The following CYP3A4 variants were observed in gnomAD, a reference collection of about 807,000 sequenced individuals.
The protein encoded by CYP3A4 is cytochrome P450 3A4.
CYP3A4 carries 41 observed loss-of-function variants against 54.9 expected under a neutral mutation model. That is an observed-to-expected ratio of 0.75 (90% confidence interval 0.58 to 0.97). CYP3A4 has a LOEUF of 0.97. Ranked by LOEUF, CYP3A4 falls within the 50% of genes least tolerant of loss-of-function variation. The probability of loss-of-function intolerance (pLI) is 0.00; values close to 1 mark genes in which losing one functional copy is unlikely to be tolerated. For synonymous variants in CYP3A4, 179 were observed against 205.2 expected, an observed-to-expected ratio of 0.87 and a Z score of 1.09; for missense variants, 510 against 597.3, an observed-to-expected ratio of 0.85 and a Z score of 1.52.
chr7:99,770,340 A>G (rs1238757923), intron 4 of CYP3A4, 105 bp from the exon 5 acceptor site: 25 of 951,702 alleles, frequency 2.6e-5, no homozygotes, highest in Non-Finnish European at 3.7e-5. Flanking sequence ...CTATTTAGTG[A>G]CTGTCTACTG....
At chr7:99,780,437 C>T (rs1302458133) in intron 1 of CYP3A4, among the ~76,000 whole-genome samples, 2 of 152,150 alleles carry the variant, frequency 1.3e-5, no homozygotes, top group Non-Finnish European at 2.9e-5. Flanking sequence ...TAGTAAGTGG[C>T]CTCTCCCCAA....
intron 5 of CYP3A4, 84 bp downstream of exon 5, chr7:99,770,038 A>C: frequency 6.5e-7 from 1 of 1,531,092 alleles, no homozygotes; most frequent in Non-Finnish European, 9.0e-7. Context: ...TACCCCTTGG[A>C]AAGGGACTGT....
At position 99,760,991 on chromosome 7, in the gene CYP3A4, C is replaced by T. The variant is rs376135947; in HGVS notation, c.1254-10G>A. The T allele has an allele frequency of 2.0e-5, 32 of 1,611,490 alleles. No individual in the cohort carries two copies. The East Asian group carries it at 3.1e-4, about 16-fold the overall frequency. Reference sequence around the variant, plus strand: ...GTTCTTCTTGCTGAATCTGGTTCCACGTTGGTAGATTTTTAAAAAGTTAAT... The same window carrying T: ...GTTCTTCTTGCTGAATCTGGTTCCATGTTGGTAGATTTTTAAAAAGTTAAT... On this transcript the variant is annotated splice_polypyrimidine_tract_variant and intron_variant, in intron 11 of 12. Transcript: ENST00000651514.
At chr7:99,778,840 C>T (rs1466926752) in intron 2 of CYP3A4, among the ~76,000 whole-genome samples, 1 of 152,140 alleles carries the variant, frequency 6.6e-6, no homozygotes, top group Non-Finnish European at 1.5e-5. Flanking sequence ...CTTGGGGGTA[C>T]ATCTACTAAA....
chr7:99,772,916 G>T (rs919490311), intron 3 of CYP3A4, among the ~76,000 whole-genome samples: 2 of 152,104 alleles, frequency 1.3e-5, no homozygotes, highest in African/African-American at 4.8e-5. Context: ...ACAAGGAAGA[G>T]ACATTGAAAG....
At chr7:99,770,841 C>T (rs1465966870) in intron 4 of CYP3A4, among the ~76,000 whole-genome samples, 1 of 152,144 alleles carries the variant, frequency 6.6e-6, no homozygotes, top group South Asian at 2.1e-4. Context: ...TTTTTGCCAA[C>T]TTGGAACTGG....
chr7:99,761,749 A>C (rs1409156395), intron 11 of CYP3A4, among the ~76,000 whole-genome samples: 3 of 152,162 alleles, frequency 2.0e-5, no homozygotes, highest in Non-Finnish European at 4.4e-5. Flanking sequence ...TAGCATTGTG[A>C]TCATGTGTTT....
Position 99,764,820 on chromosome 7 carries a change from T to C in CYP3A4, c.866-805A>G, listed in dbSNP as rs1486290211. Among the ~76,000 whole-genome samples the C allele has an allele frequency of 2.0e-5, 3 of 152,328 alleles. No homozygotes were observed. In the East Asian group the frequency reaches 5.8e-4, roughly 29 times the overall value. On this transcript the variant is annotated intron_variant, in intron 9 of 12. Coordinates refer to ENST00000651514, the MANE Select transcript of CYP3A4 (RefSeq NM_017460.6). Reference sequence around the variant, plus strand: ...AAGCTAGATGAGTGGTAATTGATTGTAGTCTGATGGATGGCATTAAAATAG... The same window carrying C: ...AAGCTAGATGAGTGGTAATTGATTGCAGTCTGATGGATGGCATTAAAATAG...
intron 4 of CYP3A4, 146 bp downstream of exon 4, chr7:99,772,444 C>A (rs1815658333): frequency 1.1e-6 from 1 of 919,912 alleles, no homozygotes; most frequent in South Asian, 1.6e-5. Context: ...TGCAAGATTG[C>A]AAGATGTTAC....
Position 99,762,230 on chromosome 7 carries a change from T to C in CYP3A4, c.1064A>G (p.Tyr355Cys), listed in dbSNP as rs1201319750. ...PTYDTVLQME[Y>C]LDMVVNETLR... is the part of the protein sequence containing the mutation. ...CGTTTCATTCACCACCATGTCAAGA[T>C]ACTCCATCTGTAGCACAGTATCATA... The change falls in exon 11 of 13, where the codon TAT (tyrosine) becomes TGT (cysteine). Residue 355 changes from tyrosine (Y) to cysteine (C), a missense_variant. Physicochemically the swap from Tyr to Cys is radical, Grantham distance 194. Around this residue, in one of 2 missense-constraint regions of CYP3A4, gnomAD observed 238 missense variants for 322.5 expected, o/e 0.74. Transcript: ENST00000651514. 15 of 1,613,970 alleles carry C rather than the reference T, an allele frequency of 9.3e-6. No homozygotes were observed. The highest frequency in any genetic ancestry group is 1.1e-5 in the Non-Finnish European group (13 of 1,179,998).
intron 1 of CYP3A4, among the ~76,000 whole-genome samples, chr7:99,783,371 G>C (rs1815974713): frequency 6.6e-6 from 1 of 152,106 alleles, no homozygotes; most frequent in African/African-American, 2.4e-5. Context: ...GGAGAAGCCA[G>C]GTTTCCACAG....
chr7:99,762,387 G>C, intron 10 of CYP3A4, 120 bp from the exon 11 acceptor site: 1 of 1,327,634 alleles, frequency 7.5e-7, no homozygotes, highest in Non-Finnish European at 1.0e-6. Flanking sequence ...GTAAAGGATC[G>C]AAGCATTTAT....
At chr7:99,783,797 C>T (rs1271397522) in intron 1 of CYP3A4, among the ~76,000 whole-genome samples, 1 of 151,912 alleles carries the variant, frequency 6.6e-6, no homozygotes, top group Non-Finnish European at 1.5e-5. Flanking sequence ...TTAGTAGAGA[C>T]AGAGTTTCAC....
chr7:99,782,266 A>G (rs762650450), intron 1 of CYP3A4, among the ~76,000 whole-genome samples: 1 of 152,192 alleles, frequency 6.6e-6, no homozygotes, highest in Non-Finnish European at 1.5e-5. Context: ...CTAGACTCAC[A>G]TGGTTCCGTG....
intron 12 of CYP3A4, among the ~76,000 whole-genome samples, chr7:99,758,732 T>C (rs1319129143): frequency 2.6e-5 from 4 of 152,226 alleles, no homozygotes; most frequent in Non-Finnish European, 4.4e-5. Flanking sequence ...TTTAATTATA[T>C]GGACAGTCTT....
intron 2 of CYP3A4, among the ~76,000 whole-genome samples, chr7:99,779,142 A>G (rs1245629860): frequency 6.6e-6 from 1 of 152,160 alleles, no homozygotes; most frequent in South Asian, 2.1e-4. Flanking sequence ...GGCACATATT[A>G]TATTCTATTC....
intron 1 of CYP3A4, 73 bp from the exon 2 acceptor site, chr7:99,780,158 T>C: frequency 6.9e-7 from 1 of 1,453,268 alleles, no homozygotes; most frequent in African/African-American, 1.4e-5. Context: ...AGTCATTGAC[T>C]GAGGAACTGG....
intron 1 of CYP3A4, among the ~76,000 whole-genome samples, chr7:99,781,989 C>A (rs1815937270): frequency 6.6e-6 from 1 of 152,208 alleles, no homozygotes; most frequent in African/African-American, 2.4e-5. Flanking sequence ...GGGGACCCAG[C>A]AGAAGCAGCA....
intron 10 of CYP3A4, among the ~76,000 whole-genome samples, chr7:99,763,219 A>G (rs557652278): frequency 6.6e-6 from 1 of 152,238 alleles, no homozygotes; most frequent in Admixed American, 6.5e-5. Flanking sequence ...TCACTATCCA[A>G]CTATGATGTG....
Sources: allele counts gnomAD v4.1 joint callset (sites outside exome capture counted in the v4.1 genomes callset), GRCh38; gene constraint gnomAD v4.1.1; regional missense constraint gnomAD v4.1.1; transcripts MANE v1.5; gene names NCBI Gene and HGNC (gene_info 2026-07-23, HGNC 2026-07-21).